The following RFX2 variants were observed in gnomAD, a reference collection of about 807,000 sequenced individuals.
RFX2 encodes the protein regulatory factor X2.
RFX2 carries 20 observed loss-of-function variants against 87.8 expected under a neutral mutation model. The ratio of observed to expected loss-of-function variants is 0.23; its 90% CI spans 0.16 to 0.33. The LOEUF (loss-of-function observed/expected upper bound fraction) is 0.33, where lower values mean the gene tolerates loss of function less well. Ranked by LOEUF, RFX2 falls within the 10% of genes least tolerant of loss-of-function variation. RFX2 has a pLI of 1.00. For synonymous variants in RFX2, 397 were observed against 431.3 expected, an observed-to-expected ratio of 0.92 and a Z score of 0.98; for missense variants, 767 against 1,012.3, an observed-to-expected ratio of 0.76 and a Z score of 3.29.
At chr19:6,006,460 A>AT (rs35404707) in intron 12 of RFX2, among the ~76,000 whole-genome samples, 1,235 of 108,504 alleles carry the variant, frequency 0.011, 19 homozygotes, top group Non-Finnish European at 0.017. Flanking sequence ...TGCCCAGCTC[A>AT]TTTTTTTTTT....
intron 1 of RFX2, among the ~76,000 whole-genome samples, chr19:6,096,340 G>A (rs894124808): frequency 2.6e-5 from 4 of 152,180 alleles, no homozygotes; most frequent in African/African-American, 9.7e-5. Flanking sequence ...ACATTATTGG[G>A]AAGCCCTGTA....
chr19:6,004,204 G>A lies in RFX2; in HGVS notation c.1497C>T (p.Thr499=), dbSNP rs1160180474. The A allele has an allele frequency of 1.2e-6, 2 of 1,611,274 alleles. No individual in the cohort carries two copies. Among genetic ancestry groups the A allele is most frequent in the Non-Finnish European group, 1.7e-6 (2 of 1,178,252 alleles). The change falls in exon 13 of 18, where the codon ACC becomes ACT. Residue 499 remains threonine, a synonymous_variant. Transcript: ENST00000303657. The surrounding 1 kb of genome is among the most constrained non-coding windows in gnomAD (Gnocchi z 4.8). The part of the protein sequence containing the change: ...MSDFPQQVIQ[T]KVGVVSAFAQ... ...CCAGGCCCCACCCCGGACGCACCTT[G>A]GTCTGGATGACCTGTTGTGGGAAGT...
intron 3 of RFX2, among the ~76,000 whole-genome samples, chr19:6,042,765 T>C (rs2144769090): frequency 6.6e-6 from 1 of 152,270 alleles, no homozygotes; most frequent in African/African-American, 2.4e-5. Context: ...TGCCCTCCCC[T>C]CTCTGAAACA....
chr19:6,044,161 G>C lies in RFX2; in HGVS notation c.180+32C>G, dbSNP rs770821647. On this transcript the variant is annotated intron_variant, in intron 3 of 17. Coordinates refer to ENST00000303657, the MANE Select transcript of RFX2 (RefSeq NM_000635.4). This position sits in a 1 kb window ranked among gnomAD's most constrained non-coding sequence, Gnocchi z 5.3. ...GATTGCTGAGTGCTAACTGCGCCCC[G>C]GTTTGCACGGTGCTGCGGTGCTTGT... The C allele has an allele frequency of 7.4e-6, 10 of 1,348,774 alleles. No individual in the cohort carries two copies. The East Asian group carries it at 2.3e-4, about 31-fold the overall frequency. 83.6% of individuals were successfully genotyped at this position (1,348,774 alleles called of 1,614,324 possible).
chr19:6,042,116 G>A lies in RFX2; in HGVS notation c.188C>T (p.Pro63Leu), dbSNP rs754258690. 29 of 1,613,518 alleles carry A rather than the reference G, an allele frequency of 1.8e-5. No individual in the cohort carries two copies. The highest frequency in any genetic ancestry group is 2.2e-5 in the Non-Finnish European group (26 of 1,179,864). The change falls in exon 4 of 18, where the codon CCG (proline) becomes CTG (leucine). Residue 63 changes from proline (P) to leucine (L), a missense_variant. By Grantham distance (98) the Pro-to-Leu change is moderately conservative (BLOSUM62 -3). This residue lies in a region of RFX2 where 146 missense variants were observed against 139.2 expected (regional missense o/e 1.05). Coordinates refer to ENST00000303657, the MANE Select transcript of RFX2 (RefSeq NM_000635.4). ...RVQQVPQQVQ[P>L]VQHVYPAQVQ... Reference sequence around the variant, plus strand: ...CTGGGCAGGATACACGTGCTGCACCGGCTGCACCTGAAACATCGGATACGC... The same window carrying A: ...CTGGGCAGGATACACGTGCTGCACCAGCTGCACCTGAAACATCGGATACGC...
chr19:6,057,752 G>A (rs868812828), intron 1 of RFX2, among the ~76,000 whole-genome samples: 4 of 152,170 alleles, frequency 2.6e-5, no homozygotes, highest in South Asian at 2.1e-4. Context: ...GAACAAGCCC[G>A]GAGTGCTCTC....
rs377373385 is a variant in RFX2 at position 6,060,867 on chromosome 19, G to A, written c.-8-13363C>T. On this transcript the variant is annotated intron_variant, in intron 1 of 17. Transcript: ENST00000303657. ...CTCCCCTGTCACACTCAATGTGGACGACCTCCCGGCACCAGGACTCCCAGC... is the reference window on the plus strand; with the variant it reads ...CTCCCCTGTCACACTCAATGTGGACAACCTCCCGGCACCAGGACTCCCAGC... Among the ~76,000 whole-genome samples the A allele has an allele frequency of 2.0e-5, 3 of 151,802 alleles. No individual in the cohort carries two copies. The East Asian group carries it at 5.8e-4, about 29-fold the overall frequency.
chr19:6,095,075 G>A (rs1369505533), intron 1 of RFX2, among the ~76,000 whole-genome samples: 1 of 152,134 alleles, frequency 6.6e-6, no homozygotes, highest in Non-Finnish European at 1.5e-5. Flanking sequence ...TCGCGCCACC[G>A]CACTCCAGCC....
intron 1 of RFX2, among the ~76,000 whole-genome samples, chr19:6,104,272 T>TA (rs1344815073): frequency 6.6e-6 from 1 of 152,030 alleles, no homozygotes; most frequent in Non-Finnish European, 1.5e-5. Context: ...ATTCTTAATT[T>TA]AAAAAAAATT....
chr19:6,076,145 G>T (rs2087689159), intron 1 of RFX2, among the ~76,000 whole-genome samples: 1 of 152,136 alleles, frequency 6.6e-6, no homozygotes, highest in Non-Finnish European at 1.5e-5. Flanking sequence ...TTCGAGAGCA[G>T]CCTGGCCAAC....
At chr19:6,005,074 A>G (rs2086562161) in intron 12 of RFX2, among the ~76,000 whole-genome samples, 1 of 152,152 alleles carries the variant, frequency 6.6e-6, no homozygotes, top group Non-Finnish European at 1.5e-5. Context: ...AGCCTCCTGC[A>G]ATCCAGCCTG....
In RFX2 at chr19:5,997,504, T is replaced by G; in HGVS notation, c.1860-291A>C. 8.3e-6 allele frequency: 3 copies of G among 360,632 alleles called. No individual in the cohort carries two copies. Among genetic ancestry groups the G allele is most frequent in the Non-Finnish European group, 5.0e-6 (1 of 198,920 alleles). 22.3% of individuals were successfully genotyped at this position (360,632 alleles called of 1,614,324 possible). A position where few individuals can be genotyped will look rare whatever the true frequency, so the allele number is the denominator to read the frequency against. Reference sequence around the variant, plus strand: ...AAAGCGACAGGCTGCGGGAAACAACTGTGGCTGGTGCTAGCGCAGGCGCTA... The same window carrying G: ...AAAGCGACAGGCTGCGGGAAACAACGGTGGCTGGTGCTAGCGCAGGCGCTA... On this transcript the variant is annotated intron_variant, in intron 15 of 17. Transcript: ENST00000303657. The surrounding 1 kb of genome is among the most constrained non-coding windows in gnomAD (Gnocchi z 4.2).
chr19:6,092,470 G>A (rs1365594457), intron 1 of RFX2, among the ~76,000 whole-genome samples: 1 of 152,188 alleles, frequency 6.6e-6, no homozygotes, highest in East Asian at 1.9e-4. Context: ...AAAGGTAGCA[G>A]AGTTTACAGC....
intron 1 of RFX2, among the ~76,000 whole-genome samples, chr19:6,087,351 T>C (rs2087868699): frequency 6.6e-6 from 1 of 152,194 alleles, no homozygotes; most frequent in African/African-American, 2.4e-5. Context: ...TAATTGGCTC[T>C]GCTTTCAAAG....
rs1231094073 is a variant in RFX2, at chr19:6,050,617, GA to G, written c.-8-3114del. Among the ~76,000 whole-genome samples, 1 of 152,038 alleles carries G rather than the reference GA, an allele frequency of 6.6e-6. No individual in the cohort carries two copies. Among genetic ancestry groups the G allele is most frequent in the Non-Finnish European group, 1.5e-5 (1 of 67,998 alleles). ...GTTAAAGATAATGGAAAGAGTTAGT[GA>G]ACTTAACAATAGATAAAAAGCATTT... On this transcript the variant is annotated intron_variant, in intron 1 of 17. Transcript: ENST00000303657. The surrounding 1 kb of genome is among the most constrained non-coding windows in gnomAD (Gnocchi z 4.6).
At position 6,045,621 on chromosome 19, in the gene RFX2, C is replaced by T. The variant is rs1261355862; in HGVS notation, c.91-1339G>A. 1.3e-5 allele frequency among the ~76,000 whole-genome samples: 2 copies of T among 152,104 alleles called. No individual in the cohort carries two copies. The highest frequency in any genetic ancestry group is 2.4e-5 in the African/African-American group (1 of 41,394). On this transcript the variant is annotated intron_variant, in intron 2 of 17. Coordinates refer to ENST00000303657, the MANE Select transcript of RFX2 (RefSeq NM_000635.4). The surrounding 1 kb of genome is among the most constrained non-coding windows in gnomAD (Gnocchi z 5.2). Reference sequence around the variant, plus strand: ...ACCATACACACTACATCAAATAAACCGCTTCACTGTCTGCCTTTTTGTTTT... The same window carrying T: ...ACCATACACACTACATCAAATAAACTGCTTCACTGTCTGCCTTTTTGTTTT...
In RFX2 at chr19:5,997,409, G is replaced by A; in HGVS notation, c.1860-196C>T. 1 of 609,740 alleles carries A rather than the reference G, an allele frequency of 1.6e-6. No homozygotes were observed. The highest frequency in any genetic ancestry group is 2.3e-5 in the South Asian group (1 of 43,594). The allele number at this position is 609,740 out of a possible 1,614,324, so 37.8% of individuals were successfully genotyped here. A position where few individuals can be genotyped will look rare whatever the true frequency, so the allele number is the denominator to read the frequency against. On this transcript the variant is annotated intron_variant, in intron 15 of 17. Coordinates refer to ENST00000303657, the MANE Select transcript of RFX2 (RefSeq NM_000635.4). This position sits in a 1 kb window ranked among gnomAD's most constrained non-coding sequence, Gnocchi z 4.2. Reference sequence around the variant, plus strand: ...CCCTGGGCCCACGTGACGGACAGGTGGGGCCGGCCTGCGCGCTCAGTTCCA... The same window carrying A: ...CCCTGGGCCCACGTGACGGACAGGTAGGGCCGGCCTGCGCGCTCAGTTCCA...
intron 1 of RFX2, among the ~76,000 whole-genome samples, chr19:6,102,429 C>A (rs527321802): frequency 3.4e-4 from 52 of 152,340 alleles, no homozygotes; most frequent in African/African-American, 1.1e-3. Context: ...GAACAAATGT[C>A]AGGAGTCTGA....
chr19:6,040,742 G>A lies in RFX2; in HGVS notation c.261-501C>T, dbSNP rs1287990517. ...CCATTGCACTTTAGCCTGGGCAACA[G>A]AGCAAGACCCTATCTCTTAAAAAAA... On this transcript the variant is annotated intron_variant, in intron 4 of 17. Coordinates refer to ENST00000303657, the MANE Select transcript of RFX2 (RefSeq NM_000635.4). The surrounding 1 kb of genome is among the most constrained non-coding windows in gnomAD (Gnocchi z 6.1). Among the ~76,000 whole-genome samples the A allele has an allele frequency of 1.3e-5, 2 of 152,156 alleles. No homozygotes were observed. The highest frequency in any genetic ancestry group is 4.8e-5 in the African/African-American group (2 of 41,432).
Sources: gnomAD v4.1 joint callset for allele counts (sites outside exome capture counted in the v4.1 genomes callset) on GRCh38, gnomAD v4.1.1 for gene constraint, gnomAD v4.1.1 regional missense constraint, Gnocchi (gnomAD v3.1) non-coding constraint, MANE v1.5 for transcripts, NCBI Gene and HGNC (gene_info 2026-07-23, HGNC 2026-07-21) for gene names.